Variants in VIRMA observed in about 807,000 individuals in gnomAD.
The protein encoded by VIRMA is vir like m6A methyltransferase associated.
In VIRMA, 65 loss-of-function variants were observed where a neutral mutation model predicts 182.4. The ratio of observed to expected loss-of-function variants is 0.36; its 90% CI spans 0.29 to 0.44. The LOEUF is 0.44. VIRMA is among the 20% of genes least tolerant of loss of function. VIRMA has a pLI of 1.00. For missense variants in VIRMA, 1,752 were observed against 2,158.1 expected (o/e 0.81, Z 3.73); for synonymous variants, 709 against 743.1 (o/e 0.95, Z 0.75).
intron 3 of VIRMA, among the ~76,000 whole-genome samples, 167 bp from the exon 4 acceptor site, chr8:94,537,318 T>TA (rs113060517): frequency 1.3e-5 from 2 of 152,188 alleles, no homozygotes; most frequent in East Asian, 1.9e-4. Context: ...AAAATGTGAT[T>TA]AAAAAAAATC....
Position 94,491,618 on chromosome 8 carries a change from G to A in VIRMA, c.5100C>T (p.Phe1700=). The change falls in exon 22 of 24, where the codon TTC becomes TTT. Residue 1700 remains phenylalanine (F), a synonymous_variant. Transcript: ENST00000297591. ...FSGNRGGRGA[F]HSQNRFFTPP... ...GTGTGAAAAACCTATTCTGACTGTG[G>A]AAAGCACCCCGTCCTCCTCTATTGC... 1.9e-6 allele frequency: 3 copies of A among 1,614,008 alleles called. No homozygotes were observed. The highest frequency in any genetic ancestry group is 1.7e-6 in the Non-Finnish European group (2 of 1,179,952).
intron 5 of VIRMA, 50 bp from the exon 6 acceptor site, chr8:94,531,135 C>T (rs915284606): frequency 2.7e-6 from 4 of 1,490,500 alleles, no homozygotes; most frequent in Non-Finnish European, 3.6e-6. Flanking sequence ...ACAGATGACC[C>T]CCGAACAACA....
chr8:94,508,349 G>T (rs574579663), intron 15 of VIRMA, among the ~76,000 whole-genome samples: 1 of 152,148 alleles, frequency 6.6e-6, no homozygotes, highest in Non-Finnish European at 1.5e-5. Flanking sequence ...TTCCCAAAGT[G>T]CTAGGATTAC....
At chr8:94,510,875 A>G in intron 13 of VIRMA, 1 of 908,824 alleles carries the variant, frequency 1.1e-6, no homozygotes, top group Non-Finnish European at 1.6e-6. Context: ...TTGGTGAAGC[A>G]ATCTAGTTAT....
At chr8:94,517,976 C>T (rs753031803) in intron 9 of VIRMA, 34 bp from the exon 10 acceptor site, 3 of 1,553,998 alleles carry the variant, frequency 1.9e-6, no homozygotes, top group Non-Finnish European at 8.7e-7. Flanking sequence ...GTTTTGGATA[C>T]AAAAACAATT....
intron 8 of VIRMA, among the ~76,000 whole-genome samples, chr8:94,521,014 C>T (rs1006092559): frequency 2.7e-5 from 4 of 150,626 alleles, no homozygotes; most frequent in African/African-American, 9.8e-5. Context: ...TCTCCCTAAA[C>T]TCTTTTCCAA....
At chr8:94,532,498 GTCTA>G (rs1231041093) in intron 5 of VIRMA, among the ~76,000 whole-genome samples, 1 of 152,176 alleles carries the variant, frequency 6.6e-6, no homozygotes, top group East Asian at 1.9e-4. Context: ...ACAAGTGCGT[GTCTA>G]TCTAGTGAAA....
chr8:94,529,207 CCTT>C lies in VIRMA; in HGVS notation c.740_742del (p.Glu247del), dbSNP rs774412263. On this transcript the variant is annotated inframe_deletion, in exon 7 of 24. Coordinates refer to ENST00000297591, the MANE Select transcript of VIRMA (RefSeq NM_015496.5). ...ATCCACATCATCTTCATCTTCTTCTCCTTCTTCTTGTTGTTCCTCTTCTACTTC... is the reference window on the plus strand; with the variant it reads ...ATCCACATCATCTTCATCTTCTTCTCCTTCTTGTTGTTCCTCTTCTACTTC... The C allele has an allele frequency of 5.3e-6, 8 of 1,510,402 alleles. No individual in the cohort carries two copies. The highest frequency in any genetic ancestry group is 4.1e-5 in the African/African-American group (3 of 72,764). The allele number at this position is 1,510,402 out of a possible 1,614,324, so 93.6% of individuals were successfully genotyped here.
chr8:94,510,292 T>A (rs1814317788), intron 14 of VIRMA, 125 bp downstream of exon 14: 2 of 662,622 alleles, frequency 3.0e-6, no homozygotes, highest in Admixed American at 2.7e-5. Flanking sequence ...TGTAGGTATA[T>A]GTGTATATTT....
intron 2 of VIRMA, among the ~76,000 whole-genome samples, chr8:94,538,774 G>A (rs1277636900): frequency 6.6e-6 from 1 of 152,070 alleles, no homozygotes; most frequent in Admixed American, 6.6e-5. Context: ...ACCATGCCCA[G>A]CTGATTTTTT....
intron 2 of VIRMA, among the ~76,000 whole-genome samples, chr8:94,540,461 CTTT>C (rs963429701): frequency 7.8e-6 from 1 of 128,626 alleles, no homozygotes; most frequent in Non-Finnish European, 1.7e-5. Flanking sequence ...TTCTTCTTTT[CTTT>C]TTTTTTTTTT....
chr8:94,551,536 C>T (rs1331171513), intron 1 of VIRMA, among the ~76,000 whole-genome samples: 2 of 152,192 alleles, frequency 1.3e-5, no homozygotes, highest in Admixed American at 6.5e-5. Flanking sequence ...TAAATGTGAT[C>T]TCTGCTAAGC....
Position 94,543,921 on chromosome 8 carries a change from C to G in VIRMA, c.85G>C (p.Val29Leu). 6.2e-7 allele frequency: 1 copy of G among 1,610,276 alleles called. No individual in the cohort carries two copies. Among genetic ancestry groups the G allele is most frequent in the Non-Finnish European group, 8.5e-7 (1 of 1,177,092 alleles). ...ATATAAACCACACATGGAAAACGAA[C>G]CACATCTATATGAGAACTTTGCTGT... ...SAEQSSHIDVVRFPCVVYINE... is the reference protein window; with the variant it reads ...SAEQSSHIDVLRFPCVVYINE... The change falls in exon 2 of 24, where the codon GTT (valine) becomes CTT (leucine). Residue 29 changes from valine to leucine, a missense_variant. Transcript: ENST00000297591.
At position 94,510,557 on chromosome 8, in the gene VIRMA, A is replaced by G. The variant is rs766828862; in HGVS notation, c.3486T>C (p.Val1162=). ...HVQAKLLQEI[V]RSFSGTTCQP... ...GGCAGGTTGTGCCAGAGAAAGAGCGAACTATTTCTTGGAGCAACTTTGCTT... is the reference window on the plus strand; with the variant it reads ...GGCAGGTTGTGCCAGAGAAAGAGCGGACTATTTCTTGGAGCAACTTTGCTT... The change falls in exon 14 of 24, where the codon GTT becomes GTC. Residue 1162 remains valine, a synonymous_variant. Transcript: ENST00000297591. The G allele has an allele frequency of 1.9e-6, 3 of 1,614,102 alleles. No individual in the cohort carries two copies. The Admixed American group carries it at 5.0e-5, about 27-fold the overall frequency.
rs112429916 is a variant in VIRMA, at chr8:94,510,721, C to T, written c.3391-69G>A. On this transcript the variant is annotated intron_variant, in intron 13 of 23. Transcript: ENST00000297591. ...TTTATTTATAGTCACAAAAACTGTT[C>T]AGGAAGAAATGTTATGAAAAGAACA... 443 of 1,160,242 alleles carry T rather than the reference C, an allele frequency of 3.8e-4. No individual in the cohort carries two copies. The African/African-American group carries it at 6.0e-3, about 16-fold the overall frequency. 71.9% of individuals were successfully genotyped at this position (1,160,242 alleles called of 1,614,324 possible).
At chr8:94,534,251 TA>T (rs1815263284) in intron 5 of VIRMA, 2 of 152,240 alleles carry the variant, frequency 1.3e-5, no homozygotes, top group African/African-American at 4.8e-5. Context: ...ATGTCATTTA[TA>T]TAAGTATTCC....
At chr8:94,509,641 C>T (rs567933941) in intron 15 of VIRMA, 47 bp downstream of exon 15, 2 of 1,552,076 alleles carry the variant, frequency 1.3e-6, no homozygotes, top group Admixed American at 1.9e-5. Context: ...CACACACACA[C>T]ACACATACAC....
At chr8:94,520,257 G>A (rs1314481952) in intron 8 of VIRMA, among the ~76,000 whole-genome samples, 7 of 151,192 alleles carry the variant, frequency 4.6e-5, no homozygotes, top group African/African-American at 1.5e-4. Context: ...CACTCTGGGA[G>A]GCTGAGGCTG....
intron 10 of VIRMA, among the ~76,000 whole-genome samples, chr8:94,517,446 AC>A (rs1398276448): frequency 6.6e-6 from 1 of 152,108 alleles, no homozygotes; most frequent in Non-Finnish European, 1.5e-5. Context: ...CAGGTGATCC[AC>A]CCGCCTTGGC....
Sources: allele counts gnomAD v4.1 joint callset (sites outside exome capture counted in the v4.1 genomes callset), GRCh38; gene constraint gnomAD v4.1.1; transcripts MANE v1.5; gene names NCBI Gene and HGNC (gene_info 2026-07-23, HGNC 2026-07-21).